Variants in CSMD1 observed in about 807,000 individuals in gnomAD.
The protein encoded by CSMD1 is CUB and Sushi multiple domains 1.
CSMD1 carries 213 observed loss-of-function variants against 417.5 expected under a neutral mutation model. The observed-to-expected ratio is 0.51, with a 90% CI of 0.46 to 0.57. CSMD1 has a LOEUF of 0.57. Among genes scored for constraint, CSMD1 ranks in the 20% least tolerant of loss-of-function variants. The pLI, the probability that CSMD1 is intolerant of heterozygous loss-of-function variation, is 0.00. For missense variants in CSMD1, 6,923 were observed against 4,529.7 expected (o/e 1.53, Z -15.17); for synonymous variants, 2,862 against 1,736.8 (o/e 1.65, Z -16.11).
At chr8:4,355,206 G>A (rs1405780894) in intron 3 of CSMD1, among the ~76,000 whole-genome samples, 1 of 151,888 alleles carries the variant, frequency 6.6e-6, no homozygotes. Context: ...AGCTTGCAAT[G>A]ATCCGAGATC....
At chr8:4,349,353 C>A (rs536517640) in intron 3 of CSMD1, among the ~76,000 whole-genome samples, 3 of 152,214 alleles carry the variant, frequency 2.0e-5, no homozygotes, top group African/African-American at 4.8e-5. Context: ...TAGGTGTTAT[C>A]GTATTTTACA....
intron 10 of CSMD1, among the ~76,000 whole-genome samples, chr8:3,565,199 C>CATAT (rs1799650829): frequency 1.1e-5 from 1 of 88,490 alleles, no homozygotes; most frequent in South Asian, 4.4e-4. Flanking sequence ...CATAGATAGA[C>CATAT]AGATAGATAG....
intron 5 of CSMD1, among the ~76,000 whole-genome samples, chr8:3,832,119 C>G (rs529236486): frequency 1.6e-4 from 25 of 152,202 alleles, no homozygotes; most frequent in African/African-American, 5.5e-4. Flanking sequence ...TGTGGGCAAA[C>G]AGTAATTCTT....
At chr8:4,610,164 G>C (rs952472751) in intron 2 of CSMD1, among the ~76,000 whole-genome samples, 1 of 151,106 alleles carries the variant, frequency 6.6e-6, no homozygotes, top group African/African-American at 2.4e-5. Flanking sequence ...TTCTTCCCCT[G>C]CTTTCTTCTA....
At chr8:3,955,301 A>C (rs1335199535) in intron 5 of CSMD1, among the ~76,000 whole-genome samples, 1 of 152,184 alleles carries the variant, frequency 6.6e-6, no homozygotes, top group Non-Finnish European at 1.5e-5. Context: ...CACCAAACAC[A>C]CATCCAGTGT....
At chr8:4,590,436 T>A (rs546948853) in intron 2 of CSMD1, among the ~76,000 whole-genome samples, 156 of 152,322 alleles carry the variant, frequency 1.0e-3, no homozygotes, top group African/African-American at 3.7e-3. Context: ...CATCCCTAGC[T>A]GTTCAAAAGT....
intron 3 of CSMD1, among the ~76,000 whole-genome samples, chr8:4,268,790 C>T (rs2128849153): frequency 6.6e-6 from 1 of 151,770 alleles, no homozygotes; most frequent in East Asian, 1.9e-4. Context: ...ACATCGACAT[C>T]ACAAAGGACA....
chr8:3,439,885 G>A (rs1035111008), intron 12 of CSMD1, among the ~76,000 whole-genome samples: 1 of 152,112 alleles, frequency 6.6e-6, no homozygotes, highest in Admixed American at 6.5e-5. Flanking sequence ...ATGTCCAGTT[G>A]TCCTGGAGCC....
chr8:4,738,805 T>A (rs146771734), intron 1 of CSMD1, among the ~76,000 whole-genome samples: 1 of 152,262 alleles, frequency 6.6e-6, no homozygotes, highest in East Asian at 1.9e-4. Flanking sequence ...TGGATGCCCC[T>A]GTCTGAGTTC....
chr8:3,548,590 C>G (rs1385784347), intron 10 of CSMD1, among the ~76,000 whole-genome samples: 1 of 150,834 alleles, frequency 6.6e-6, no homozygotes, highest in African/African-American at 2.4e-5. Context: ...ATAATAGTCC[C>G]CAATCTCATC....
At chr8:4,918,651 C>G (rs981030516) in intron 1 of CSMD1, among the ~76,000 whole-genome samples, 8 of 152,134 alleles carry the variant, frequency 5.3e-5, no homozygotes, top group African/African-American at 1.9e-4. Context: ...TCTTTTCTTT[C>G]TTGACCCAAT....
chr8:4,467,547 C>A (rs1378704059), intron 2 of CSMD1, among the ~76,000 whole-genome samples: 1 of 152,150 alleles, frequency 6.6e-6, no homozygotes, highest in East Asian at 1.9e-4. Context: ...CACATTAAAC[C>A]TGTTGAAAAA....
chr8:4,513,312 C>G (rs1238436273), intron 2 of CSMD1, among the ~76,000 whole-genome samples: 1 of 152,074 alleles, frequency 6.6e-6, no homozygotes, highest in East Asian at 1.9e-4. Context: ...TAAAACTACT[C>G]TACAAAACTA....
intron 4 of CSMD1, among the ~76,000 whole-genome samples, chr8:4,025,274 G>C (rs187835499): frequency 3.3e-5 from 5 of 152,120 alleles, no homozygotes; most frequent in South Asian, 4.1e-4. Context: ...CTACCTTCTT[G>C]TATGCCCCTA....
intron 2 of CSMD1, among the ~76,000 whole-genome samples, chr8:4,592,376 A>C (rs1018151121): frequency 4.0e-5 from 6 of 151,772 alleles, no homozygotes; most frequent in African/African-American, 1.5e-4. Context: ...TTCCGTATTC[A>C]TTTTCCTTGT....
At chr8:4,373,018 G>C (rs1054600011) in intron 3 of CSMD1, among the ~76,000 whole-genome samples, 1 of 152,202 alleles carries the variant, frequency 6.6e-6, no homozygotes, top group Non-Finnish European at 1.5e-5. Flanking sequence ...AGCATCAGCA[G>C]TGATGATTCG....
chr8:3,846,796 C>A (rs554308723), intron 5 of CSMD1, among the ~76,000 whole-genome samples: 1 of 152,236 alleles, frequency 6.6e-6, no homozygotes, highest in Non-Finnish European at 1.5e-5. Context: ...GTCTCAGCCT[C>A]CCAAGTAGCT....
intron 5 of CSMD1, among the ~76,000 whole-genome samples, chr8:3,943,423 T>TAAAA: frequency 7.3e-6 from 1 of 137,180 alleles, no homozygotes; most frequent in African/African-American, 2.7e-5. Context: ...TTTTTTTCAT[T>TAAAA]AAAAAAAAAA....
intron 1 of CSMD1, among the ~76,000 whole-genome samples, chr8:4,858,978 A>G (rs1422743523): frequency 6.6e-6 from 1 of 150,770 alleles, no homozygotes; most frequent in Non-Finnish European, 1.5e-5. Context: ...AGCCAAAAGA[A>G]CAAAGCTGGA....
Sources: gnomAD v4.1 joint callset for allele counts (sites outside exome capture counted in the v4.1 genomes callset) on GRCh38, gnomAD v4.1.1 for gene constraint, MANE v1.5 for transcripts, NCBI Gene and HGNC (gene_info 2026-07-23, HGNC 2026-07-21) for gene names.